The following ZSCAN25 variants were observed in gnomAD, a reference collection of about 807,000 sequenced individuals.
ZSCAN25 encodes the protein zinc finger and SCAN domain containing 25, also known as zinc finger and SCAN domain-containing protein 25.
Under a neutral mutation model 38.7 loss-of-function variants are expected in ZSCAN25, and 27 were observed. The observed-to-expected ratio is 0.70, with a 90% CI of 0.51 to 0.96. ZSCAN25 has a LOEUF of 0.96. Ranked by LOEUF, ZSCAN25 falls within the 40% of genes least tolerant of loss-of-function variation. The pLI, the probability that ZSCAN25 is intolerant of heterozygous loss-of-function variation, is 0.00. For synonymous variants in ZSCAN25, 273 were observed against 277.7 expected, an observed-to-expected ratio of 0.98 and a Z score of 0.17; for missense variants, 637 against 705.9, an observed-to-expected ratio of 0.90 and a Z score of 1.11.
the ZSCAN25 span, among the ~76,000 whole-genome samples, chr7:99,654,659 T>C: frequency 6.6e-6 from 1 of 152,368 alleles, no homozygotes; most frequent in East Asian, 1.9e-4. Context: ...ATCACCACAC[T>C]GACTTCCACA....
chr7:99,681,240 T>C, the ZSCAN25 span, among the ~76,000 whole-genome samples: 1 of 152,120 alleles, frequency 6.6e-6, no homozygotes, highest in Non-Finnish European at 1.5e-5. Context: ...AATCTTGGCA[T>C]TTGTGAATAG....
chr7:99,701,696 G>T, the ZSCAN25 span, among the ~76,000 whole-genome samples: 1 of 152,180 alleles, frequency 6.6e-6, no homozygotes, highest in African/African-American at 2.4e-5. Flanking sequence ...GATGATCAAT[G>T]ATGTTGAGCA....
chr7:99,685,169 A>G, the ZSCAN25 span: 2 of 1,611,774 alleles, frequency 1.2e-6, no homozygotes, highest in Admixed American at 1.7e-5. Context: ...CCATCCCTTG[A>G]CTCAACCTTT....
At chr7:99,658,515 T>C in the ZSCAN25 span, among the ~76,000 whole-genome samples, 1 of 152,234 alleles carries the variant, frequency 6.6e-6, no homozygotes. Context: ...GCCCTTAACA[T>C]TTTTTCCTTC....
chr7:99,717,642 A>G, the ZSCAN25 span: 2 of 1,613,274 alleles, frequency 1.2e-6, no homozygotes, highest in Non-Finnish European at 1.7e-6. Context: ...CCGAAAGGCT[A>G]GAGTTCAAAG....
the ZSCAN25 span, among the ~76,000 whole-genome samples, chr7:99,653,188 T>C: frequency 1.4e-4 from 21 of 152,164 alleles, no homozygotes; most frequent in Non-Finnish European, 2.9e-4. The surrounding 1 kb of genome is among the most constrained non-coding windows in gnomAD (Gnocchi z 4.2). Context: ...AGAGCAAATA[T>C]CCTCTTCACA....
At chr7:99,692,739 G>GCT in the ZSCAN25 span, among the ~76,000 whole-genome samples, 19 of 152,102 alleles carry the variant, frequency 1.2e-4, no homozygotes, top group African/African-American at 3.9e-4. Context: ...ATGGTTTTGA[G>GCT]CTGTCAGGTC....
chr7:99,634,826 C>T (rs919860268), downstream of ZSCAN25, among the ~76,000 whole-genome samples: 77 of 150,862 alleles, frequency 5.1e-4, 1 homozygote, highest in Middle Eastern at 3.4e-3. Flanking sequence ...ATTAGCCAAG[C>T]GTGGTGGCAG....
intron 5 of ZSCAN25, 28 bp from the exon 6 acceptor site, chr7:99,622,521 C>A (rs767356690): frequency 6.2e-7 from 1 of 1,606,204 alleles, no homozygotes; most frequent in African/African-American, 1.3e-5. Flanking sequence ...TCCTTCTGAT[C>A]TTTCTCATGC....
Position 99,622,623 on chromosome 7 carries a change from T to C in ZSCAN25, c.664T>C (p.Phe222Leu). 6.2e-7 allele frequency: 1 copy of C among 1,614,174 alleles called. No individual in the cohort carries two copies. Among genetic ancestry groups the C allele is most frequent in the South Asian group, 1.1e-5 (1 of 91,084 alleles). Residue 222 changes from phenylalanine (F) to leucine (L), a missense_variant, in exon 6 of 8, where the codon TTT becomes CTT. Transcript: ENST00000394152. ...PRDQEMAAGFFTAGSQGLGPF... is the reference protein window; with the variant it reads ...PRDQEMAAGFLTAGSQGLGPF... ...AGACCAAGAGATGGCAGCTGGGTTC[T>C]TTACTGCTGGATCGCAGGTGAGCTC...
chr7:99,714,886 G>C, the ZSCAN25 span, among the ~76,000 whole-genome samples: 86 of 152,282 alleles, frequency 5.6e-4, no homozygotes, highest in Non-Finnish European at 1.5e-4. Flanking sequence ...CACCACTACA[G>C]CAGTGAGATC....
chr7:99,619,186 C>T (rs572193159), intron 3 of ZSCAN25, 54 bp downstream of exon 3: 101 of 156,100 alleles, frequency 6.5e-4, no homozygotes, highest in Middle Eastern at 3.3e-3. Context: ...CTGCCTGCCT[C>T]TTGTGTGTGT....
chr7:99,651,428 C>T, the ZSCAN25 span, among the ~76,000 whole-genome samples: 57 of 152,122 alleles, frequency 3.7e-4, no homozygotes, highest in African/African-American at 1.3e-3. Flanking sequence ...TGAAGTACAG[C>T]GAGTGGTCTC....
downstream of ZSCAN25, among the ~76,000 whole-genome samples, chr7:99,635,169 CTG>C (rs1808222234): frequency 6.7e-6 from 1 of 149,366 alleles, no homozygotes; most frequent in African/African-American, 2.5e-5. Context: ...TTTTTTTTCA[CTG>C]TGTAATTCCT....
At chr7:99,642,267 C>T in the ZSCAN25 span, among the ~76,000 whole-genome samples, 1 of 152,242 alleles carries the variant, frequency 6.6e-6, no homozygotes, top group Admixed American at 6.5e-5. Context: ...TCACTTCTAA[C>T]AAATTAAATG....
chr7:99,681,848 G>C, the ZSCAN25 span, among the ~76,000 whole-genome samples: 1 of 152,210 alleles, frequency 6.6e-6, no homozygotes, highest in Non-Finnish European at 1.5e-5. Context: ...TTGGTTGCCT[G>C]TGCTTGTGGG....
the ZSCAN25 span, chr7:99,652,837 G>A: frequency 7.8e-7 from 1 of 1,284,876 alleles, no homozygotes; most frequent in Admixed American, 1.8e-5. Flanking sequence ...TCTCAACTGA[G>A]TCCATGCAGT....
chr7:99,674,892 T>C, the ZSCAN25 span, among the ~76,000 whole-genome samples: 3 of 152,222 alleles, frequency 2.0e-5, no homozygotes, highest in African/African-American at 7.2e-5. Context: ...CTCTCTAAAG[T>C]CTCCTAACCC....
the ZSCAN25 span, among the ~76,000 whole-genome samples, chr7:99,707,534 T>C: frequency 1.3e-5 from 2 of 152,178 alleles, no homozygotes; most frequent in Non-Finnish European, 2.9e-5. Flanking sequence ...TCTTTCCAAT[T>C]GACTTGAAAC....
Sources: allele counts gnomAD v4.1 joint callset (sites outside exome capture counted in the v4.1 genomes callset), GRCh38; gene constraint gnomAD v4.1.1; non-coding constraint Gnocchi (gnomAD v3.1); transcripts MANE v1.5; gene names NCBI Gene and HGNC (gene_info 2026-07-23, HGNC 2026-07-21).